ITGA11: variants seen among roughly 807,000 people sequenced by gnomAD.
The protein encoded by ITGA11 is integrin subunit alpha 11, also known as integrin alpha-11.
Under a neutral mutation model 141.9 loss-of-function variants are expected in ITGA11, and 97 were observed. That is an observed-to-expected ratio of 0.68 (90% CI 0.58 to 0.81). The LOEUF (loss-of-function observed/expected upper bound fraction) is 0.81, where lower values mean the gene tolerates loss of function less well. Among genes scored for constraint, ITGA11 ranks in the 30% least tolerant of loss-of-function variants. ITGA11 has a pLI of 0.00. For missense variants in ITGA11, 1,387 were observed against 1,559.2 expected (o/e 0.89, Z 1.86); for synonymous variants, 658 against 624.6 (o/e 1.05, Z -0.80).
At chr15:68,349,455 A>G (rs1220044943) in intron 9 of ITGA11, among the ~76,000 whole-genome samples, 2 of 152,272 alleles carry the variant, frequency 1.3e-5, no homozygotes, top group Admixed American at 6.5e-5. Context: ...ATTGGATCGA[A>G]TGTTCTCATC....
chr15:68,369,075 G>C (rs1895510021), intron 3 of ITGA11, 109 bp downstream of exon 3: 1 of 774,092 alleles, frequency 1.3e-6, no homozygotes, highest in Non-Finnish European at 2.3e-6. Context: ...TCATCTCATG[G>C]AGTAGCAGGA....
At chr15:68,397,158 T>A (rs185260851) in intron 2 of ITGA11, among the ~76,000 whole-genome samples, 42 of 46 alleles carry the variant, frequency 0.91, 21 homozygotes, top group African/African-American at 1. Context: ...TAATTATTAT[T>A]TAATATTTTA....
At chr15:68,352,718 A>C (rs189629266) in intron 7 of ITGA11, among the ~76,000 whole-genome samples, 68 of 152,294 alleles carry the variant, frequency 4.5e-4, no homozygotes, top group African/African-American at 1.5e-3. Context: ...TCTCTTTCTC[A>C]CTTTTTATTT....
At chr15:68,344,209 C>T (rs1255258927) in intron 10 of ITGA11, among the ~76,000 whole-genome samples, 1 of 152,020 alleles carries the variant, frequency 6.6e-6, no homozygotes, top group Non-Finnish European at 1.5e-5. Context: ...GTGTCCTGGA[C>T]CCCTGGGGAG....
At chr15:68,374,983 A>G (rs935711796) in intron 2 of ITGA11, among the ~76,000 whole-genome samples, 1 of 152,246 alleles carries the variant, frequency 6.6e-6, no homozygotes, top group Admixed American at 6.5e-5. Flanking sequence ...CTCAGAATGT[A>G]AGTATGATGA....
chr15:68,325,050 C>A lies in ITGA11; in HGVS notation c.2322+81G>T. Reference sequence around the variant, plus strand: ...GATGGTGTCCTCTGTACCCGGCACACTCAGGCTCTGGGCTTTGGGGTTGAG... The same window carrying A: ...GATGGTGTCCTCTGTACCCGGCACAATCAGGCTCTGGGCTTTGGGGTTGAG... On this transcript the variant is annotated intron_variant, in intron 18 of 29. Transcript: ENST00000315757. The surrounding 1 kb of genome is among the most constrained non-coding windows in gnomAD (Gnocchi z 5.5). 1 of 1,047,832 alleles carries A rather than the reference C, an allele frequency of 9.5e-7. No individual in the cohort carries two copies. Among genetic ancestry groups the A allele is most frequent in the South Asian group, 1.3e-5 (1 of 78,536 alleles). 64.9% of individuals were successfully genotyped at this position (1,047,832 alleles called of 1,614,324 possible).
chr15:68,347,491 C>T (rs1481410938), intron 10 of ITGA11, among the ~76,000 whole-genome samples: 3 of 152,194 alleles, frequency 2.0e-5, no homozygotes, highest in African/African-American at 4.8e-5. Flanking sequence ...TTACATCTTG[C>T]TGTTATTCAA....
intron 3 of ITGA11, among the ~76,000 whole-genome samples, chr15:68,366,034 G>T (rs1458524611): frequency 6.6e-6 from 1 of 152,200 alleles, no homozygotes; most frequent in Admixed American, 6.5e-5. Flanking sequence ...GGACTGGAGG[G>T]TAGGGGCAGC....
At chr15:68,318,159 G>A (rs1797476352) in intron 20 of ITGA11, among the ~76,000 whole-genome samples, 1 of 152,072 alleles carries the variant, frequency 6.6e-6, no homozygotes, top group African/African-American at 2.4e-5. Flanking sequence ...GGGGATGGGT[G>A]GTGGCACCTG....
Position 68,369,233 on chromosome 15 carries a change from G to T in ITGA11, c.216C>A (p.Asp72Glu), listed in dbSNP as rs185148260. ...CGTGGATCACTGGACACTTGTACAC[G>T]TCTCCCGTCTTCTGGTAGCCATTGG... ...LETNGYQKTG[D>E]VYKCPVIHGN... is the part of the protein sequence containing the mutation. The change falls in exon 3 of 30, where the codon GAC (aspartate) becomes GAA (glutamate). Residue 72 changes from aspartate (D) to glutamate (E), a missense_variant. Coordinates refer to ENST00000315757, the MANE Select transcript of ITGA11 (RefSeq NM_001004439.2). 1 of 1,613,964 alleles carries T rather than the reference G, an allele frequency of 6.2e-7. No homozygotes were observed. The highest frequency in any genetic ancestry group is 1.3e-5 in the African/African-American group (1 of 75,036).
At chr15:68,401,308 T>C (rs2140410792) in intron 2 of ITGA11, among the ~76,000 whole-genome samples, 1 of 152,120 alleles carries the variant, frequency 6.6e-6, no homozygotes, top group South Asian at 2.1e-4. Context: ...CAGGTCCTAC[T>C]AAAAAGTTAA....
At chr15:68,409,867 A>G (rs1340495953) in intron 1 of ITGA11, among the ~76,000 whole-genome samples, 1 of 152,214 alleles carries the variant, frequency 6.6e-6, no homozygotes, top group Non-Finnish European at 1.5e-5. Context: ...GATGACTTTG[A>G]GGCCTCACGG....
chr15:68,430,860 AG>A (rs1355311628), intron 1 of ITGA11, among the ~76,000 whole-genome samples: 2 of 152,204 alleles, frequency 1.3e-5, no homozygotes, highest in African/African-American at 2.4e-5. Flanking sequence ...GGCCGACAGG[AG>A]GGTGGACTTG....
At chr15:68,310,147 A>G (rs568571262) in intron 26 of ITGA11, among the ~76,000 whole-genome samples, 3 of 152,366 alleles carry the variant, frequency 2.0e-5, no homozygotes, top group African/African-American at 4.8e-5. Flanking sequence ...TGTCATCATC[A>G]TATCTATTTA....
At chr15:68,381,957 GC>G (rs1472939294) in intron 2 of ITGA11, among the ~76,000 whole-genome samples, 1 of 152,154 alleles carries the variant, frequency 6.6e-6, no homozygotes, top group Non-Finnish European at 1.5e-5. Context: ...CCCAGGCCTC[GC>G]CCCACCTCTG....
intron 1 of ITGA11, 84 bp downstream of exon 1, chr15:68,431,931 C>A: frequency 7.9e-6 from 8 of 1,011,716 alleles, no homozygotes; most frequent in Non-Finnish European, 9.1e-6. Context: ...AGGGTCGCGT[C>A]CCGATCCTGG....
chr15:68,351,206 T>C, intron 8 of ITGA11, 52 bp downstream of exon 8: 4 of 1,600,586 alleles, frequency 2.5e-6, no homozygotes, highest in Admixed American at 1.7e-5. Flanking sequence ...AGGGATTTGA[T>C]GGTAAAGCCT....
At chr15:68,388,486 A>G (rs1256252847) in intron 2 of ITGA11, among the ~76,000 whole-genome samples, 1 of 152,098 alleles carries the variant, frequency 6.6e-6, no homozygotes, top group Non-Finnish European at 1.5e-5. Context: ...TTTCCATGGC[A>G]CAGATAACTA....
intron 2 of ITGA11, among the ~76,000 whole-genome samples, chr15:68,373,461 C>G (rs1443482377): frequency 3.3e-5 from 5 of 152,176 alleles, no homozygotes; most frequent in African/African-American, 1.2e-4. Flanking sequence ...CGAGTACTTT[C>G]CATGCATAGG....
Sources: gnomAD v4.1 joint callset for allele counts (sites outside exome capture counted in the v4.1 genomes callset) on GRCh38, gnomAD v4.1.1 for gene constraint, Gnocchi (gnomAD v3.1) non-coding constraint, MANE v1.5 for transcripts, NCBI Gene and HGNC (gene_info 2026-07-23, HGNC 2026-07-21) for gene names.